TTC7B: variants seen among roughly 807,000 people sequenced by gnomAD.
TTC7B encodes tetratricopeptide repeat domain 7B.
TTC7B carries 28 observed loss-of-function variants against 106.8 expected under a neutral mutation model. That is an observed-to-expected ratio of 0.26 (90% CI 0.19 to 0.36). The LOEUF (loss-of-function observed/expected upper bound fraction) is 0.36. Among genes scored for constraint, TTC7B ranks in the 10% least tolerant of loss-of-function variants. The pLI, the probability that TTC7B is intolerant of heterozygous loss-of-function variation, is 1.00. For missense variants in TTC7B, 862 were observed against 1,076.4 expected (o/e 0.80, Z 2.79); for synonymous variants, 405 against 430.6 (o/e 0.94, Z 0.74).
chr14:90,672,508 C>T (rs944643045), intron 9 of TTC7B, among the ~76,000 whole-genome samples: 3 of 152,140 alleles, frequency 2.0e-5, no homozygotes, highest in East Asian at 3.9e-4. Context: ...TTCACAGCTC[C>T]GCAAGCTTAA....
Position 90,530,925 on chromosome 14 carries a change from G to A in TTC7B, c.*10443C>T, listed in dbSNP as rs1345441477. ...AATCACCACTAAAGAACTTACTCATGTAACCACTGTGTTCCCCAATAACCT... is the reference window on the plus strand; with the variant it reads ...AATCACCACTAAAGAACTTACTCATATAACCACTGTGTTCCCCAATAACCT... On this transcript the variant is annotated 3_prime_UTR_variant, in exon 20 of 20. Transcript: ENST00000328459. 1.3e-5 allele frequency: 2 copies of A among 152,136 alleles called. No individual in the cohort carries two copies. The highest frequency in any genetic ancestry group is 2.9e-5 in the Non-Finnish European group (2 of 68,042). 9.4% of individuals were successfully genotyped at this position (152,136 alleles called of 1,614,324 possible).
chr14:90,555,877 T>C (rs1243725454), intron 19 of TTC7B, among the ~76,000 whole-genome samples: 1 of 152,228 alleles, frequency 6.6e-6, no homozygotes, highest in Non-Finnish European at 1.5e-5. Context: ...TTGGTCACAC[T>C]TGTGTCCATG....
intron 14 of TTC7B, 41 bp from the exon 15 acceptor site, chr14:90,644,249 A>G (rs1885328126): frequency 6.9e-7 from 1 of 1,446,926 alleles, no homozygotes; most frequent in Non-Finnish European, 9.2e-7. Context: ...ACATACACAC[A>G]TGCACACGCA....
At chr14:90,636,789 TG>T (rs1595230663) in intron 15 of TTC7B, among the ~76,000 whole-genome samples, 1 of 151,714 alleles carries the variant, frequency 6.6e-6, no homozygotes, top group East Asian at 1.9e-4. Context: ...AGACAACTAA[TG>T]GATCAAAAAG....
chr14:90,734,377 G>A (rs1249570322), intron 4 of TTC7B, among the ~76,000 whole-genome samples: 6 of 147,510 alleles, frequency 4.1e-5, no homozygotes, highest in African/African-American at 7.5e-5. Flanking sequence ...CCAAGATTGC[G>A]CCACTGCACA....
chr14:90,637,024 GA>G (rs557407889), intron 15 of TTC7B, among the ~76,000 whole-genome samples: 91 of 149,594 alleles, frequency 6.1e-4, no homozygotes, highest in African/African-American at 2.2e-3. Context: ...ACAGAAGATA[GA>G]AAATAATGAA....
chr14:90,674,033 C>T (rs770368875), intron 9 of TTC7B, among the ~76,000 whole-genome samples: 12 of 151,714 alleles, frequency 7.9e-5, no homozygotes, highest in African/African-American at 1.2e-4. Context: ...GTGGTATGAA[C>T]GTACTAAATG....
At chr14:90,729,678 C>T (rs913869364) in intron 5 of TTC7B, among the ~76,000 whole-genome samples, 5 of 152,236 alleles carry the variant, frequency 3.3e-5, no homozygotes, top group Admixed American at 2.0e-4. Context: ...CCTGAATGAT[C>T]AGCCACTGAA....
chr14:90,552,645 G>A (rs1263443948), intron 19 of TTC7B, among the ~76,000 whole-genome samples: 1 of 152,226 alleles, frequency 6.6e-6, no homozygotes, highest in Non-Finnish European at 1.5e-5. Flanking sequence ...AGTGCAGGAG[G>A]AGGGAAGGTA....
At chr14:90,695,988 G>A (rs1465011455) in intron 5 of TTC7B, among the ~76,000 whole-genome samples, 2 of 152,002 alleles carry the variant, frequency 1.3e-5, no homozygotes, top group African/African-American at 4.8e-5. Context: ...CATGGGTAAG[G>A]ATAAAATATG....
Position 90,541,323 on chromosome 14 carries a change from G to C in TTC7B, c.*45C>G. 6.5e-7 allele frequency: 1 copy of C among 1,526,828 alleles called. No individual in the cohort carries two copies. Among genetic ancestry groups the C allele is most frequent in the Non-Finnish European group, 8.9e-7 (1 of 1,124,438 alleles). The allele number at this position is 1,526,828 out of a possible 1,614,324, so 94.6% of individuals were successfully genotyped here. A position where few individuals can be genotyped will look rare whatever the true frequency, so the allele number is the denominator to read the frequency against. Reference sequence around the variant, plus strand: ...ATGGCACAAGCCCTGGTGCCCGGCAGGGCCTCTGAGGCCTGAGCGGCAGGT... The same window carrying C: ...ATGGCACAAGCCCTGGTGCCCGGCACGGCCTCTGAGGCCTGAGCGGCAGGT... On this transcript the variant is annotated 3_prime_UTR_variant, in exon 20 of 20. Coordinates refer to ENST00000328459, the MANE Select transcript of TTC7B (RefSeq NM_001010854.2).
At chr14:90,677,771 T>C in intron 8 of TTC7B, 1 of 449,824 alleles carries the variant, frequency 2.2e-6, no homozygotes, top group Non-Finnish European at 4.4e-6. Context: ...TGCATTTTCT[T>C]TGTGTGTGAG....
At chr14:90,640,133 G>C (rs1322350172) in intron 15 of TTC7B, among the ~76,000 whole-genome samples, 2 of 152,266 alleles carry the variant, frequency 1.3e-5, no homozygotes, top group Admixed American at 1.3e-4. Context: ...ACAAAAATGA[G>C]CTGGGTATGG....
intron 9 of TTC7B, among the ~76,000 whole-genome samples, chr14:90,660,897 G>A (rs949056162): frequency 1.3e-5 from 2 of 152,240 alleles, no homozygotes; most frequent in Non-Finnish European, 1.5e-5. Flanking sequence ...GTGGGCATCC[G>A]AAGACCTTGA....
chr14:90,791,196 C>T (rs1351712977), intron 1 of TTC7B, among the ~76,000 whole-genome samples: 3 of 152,122 alleles, frequency 2.0e-5, no homozygotes, highest in African/African-American at 7.2e-5. Flanking sequence ...ACGAATATTC[C>T]AAGCGCTGCA....
intron 19 of TTC7B, among the ~76,000 whole-genome samples, chr14:90,573,465 GCTCACAGGCCCTCTCCGC>G (rs1225865645): frequency 3.7e-4 from 43 of 116,088 alleles, no homozygotes; most frequent in African/African-American, 1.0e-3. Flanking sequence ...TCCCTCTCCG[GCTCACAGGCCCTCTCCGC>G]CTCACGGTCC....
At chr14:90,745,525 T>C (rs1397665367) in intron 3 of TTC7B, among the ~76,000 whole-genome samples, 2 of 152,138 alleles carry the variant, frequency 1.3e-5, no homozygotes. Context: ...CCTTTCTCCA[T>C]GTTCATTGAG....
intron 2 of TTC7B, among the ~76,000 whole-genome samples, chr14:90,784,312 C>T (rs111462837): frequency 6.6e-6 from 1 of 152,214 alleles, no homozygotes; most frequent in Non-Finnish European, 1.5e-5. Flanking sequence ...AATCCCAGCA[C>T]TTTGGGAGGC....
chr14:90,597,254 A>T (rs1305167445), intron 17 of TTC7B, among the ~76,000 whole-genome samples: 1 of 152,234 alleles, frequency 6.6e-6, no homozygotes, highest in Non-Finnish European at 1.5e-5. Context: ...GTTGGTATCT[A>T]CTATTCCTGA....
Sources: allele counts gnomAD v4.1 joint callset (sites outside exome capture counted in the v4.1 genomes callset), GRCh38; gene constraint gnomAD v4.1.1; transcripts MANE v1.5; gene names NCBI Gene and HGNC (gene_info 2026-07-23, HGNC 2026-07-21).